Variants in DPYD observed in about 807,000 individuals in gnomAD.
DPYD encodes the protein dihydropyrimidine dehydrogenase.
DPYD carries 109 observed loss-of-function variants against 116.2 expected under a neutral mutation model. That is an observed-to-expected ratio of 0.94 (90% CI 0.80 to 1.10). The LOEUF (loss-of-function observed/expected upper bound fraction) is 1.10. Ranked by LOEUF, DPYD falls within the 50% of genes least tolerant of loss-of-function variation. The pLI, the probability that DPYD is intolerant of heterozygous loss-of-function variation, is 0.00. For missense variants in DPYD, 1,302 were observed against 1,254.5 expected, an observed-to-expected ratio of 1.04 and a Z score of -0.57; for synonymous variants, 440 against 432.0, an observed-to-expected ratio of 1.02 and a Z score of -0.23.
chr1:97,522,780 A>G (rs1427532533), intron 12 of DPYD, among the ~76,000 whole-genome samples: 1 of 151,950 alleles, frequency 6.6e-6, no homozygotes, highest in East Asian at 1.9e-4. Flanking sequence ...TTTCCTCTGT[A>G]GAGATATAAA....
At chr1:97,746,556 T>G (rs1664566502) in intron 3 of DPYD, among the ~76,000 whole-genome samples, 1 of 152,158 alleles carries the variant, frequency 6.6e-6, no homozygotes, top group African/African-American at 2.4e-5. Context: ...AACGTATTTG[T>G]TTCGCTTTCT....
intron 3 of DPYD, among the ~76,000 whole-genome samples, chr1:97,776,350 A>C (rs1256894986): frequency 1.3e-5 from 2 of 152,134 alleles, no homozygotes; most frequent in East Asian, 3.9e-4. Flanking sequence ...ACTGTGCTGA[A>C]GTCCTAAAAT....
In DPYD at chr1:97,515,810, A is replaced by T. The variant is rs1200993881; in HGVS notation, c.1656T>A (p.Thr552=). The T allele has an allele frequency of 6.2e-7, 1 of 1,612,982 alleles. No individual in the cohort carries two copies. The highest frequency in any genetic ancestry group is 8.5e-7 in the Non-Finnish European group (1 of 1,179,290). The change falls in exon 13 of 23, where the codon ACT becomes ACA. Residue 552 remains threonine, a synonymous_variant. Coordinates refer to ENST00000370192, the MANE Select transcript of DPYD (RefSeq NM_000110.4). ...FINPFGLASA[T]PATSTSMIRR... is the part of the protein sequence containing the mutation. ...GAATCATTGATGTGCTGGTGGCTGG[A>T]GTTGCGCTAGCAAGACCAAAAGGAT...
intron 20 of DPYD, among the ~76,000 whole-genome samples, chr1:97,101,440 T>G (rs1650675751): frequency 7.2e-6 from 1 of 138,738 alleles, no homozygotes; most frequent in South Asian, 2.2e-4. Flanking sequence ...ACATACTACA[T>G]TTAGGCATAC....
intron 13 of DPYD, among the ~76,000 whole-genome samples, chr1:97,507,598 T>C (rs1434290814): frequency 6.6e-6 from 1 of 152,042 alleles, no homozygotes; most frequent in Non-Finnish European, 1.5e-5. Context: ...TGATGTTTTG[T>C]ATTGTAATCC....
intron 10 of DPYD, among the ~76,000 whole-genome samples, chr1:97,580,910 C>T (rs968080710): frequency 6.6e-6 from 1 of 152,100 alleles, no homozygotes; most frequent in African/African-American, 2.4e-5. Context: ...TTCCTACCTC[C>T]GCATTCTGTA....
chr1:97,843,018 T>C (rs1198993821), intron 2 of DPYD, among the ~76,000 whole-genome samples: 6 of 152,114 alleles, frequency 3.9e-5, no homozygotes, highest in African/African-American at 1.2e-4. Flanking sequence ...CTTTCTCTTA[T>C]AAGAACCCTT....
chr1:97,234,458 A>G (rs1350921566), intron 19 of DPYD, among the ~76,000 whole-genome samples: 1 of 152,140 alleles, frequency 6.6e-6, no homozygotes, highest in Non-Finnish European at 1.5e-5. Context: ...CAGGAATCTC[A>G]GGATCAAATT....
chr1:97,752,989 T>G (rs2101105127), intron 3 of DPYD, among the ~76,000 whole-genome samples: 1 of 152,332 alleles, frequency 6.6e-6, no homozygotes, highest in South Asian at 2.1e-4. Context: ...AAATTATTTT[T>G]TAATAAATGT....
chr1:97,387,265 T>C (rs1171132663), intron 14 of DPYD, among the ~76,000 whole-genome samples: 1 of 152,084 alleles, frequency 6.6e-6, no homozygotes, highest in African/African-American at 2.4e-5. Context: ...AATTGATTAA[T>C]AAGCAAATTG....
At chr1:97,861,169 A>G (rs1312615163) in intron 2 of DPYD, among the ~76,000 whole-genome samples, 2 of 152,070 alleles carry the variant, frequency 1.3e-5, no homozygotes, top group Non-Finnish European at 2.9e-5. Context: ...AATGATAACT[A>G]TTTTGTACTA....
chr1:97,738,916 T>C (rs1262782085), intron 4 of DPYD, among the ~76,000 whole-genome samples: 2 of 152,132 alleles, frequency 1.3e-5, no homozygotes, highest in Non-Finnish European at 2.9e-5. Context: ...TTGTCTTTTT[T>C]TCTATACATT....
intron 17 of DPYD, 25 bp downstream of exon 17, chr1:97,306,152 C>A (rs1170469693): frequency 1.2e-6 from 2 of 1,611,758 alleles, no homozygotes; most frequent in Non-Finnish European, 1.7e-6. Flanking sequence ...CAATAGCGGG[C>A]AACTGATTCA....
At chr1:97,273,559 A>C (rs1244232027) in intron 18 of DPYD, among the ~76,000 whole-genome samples, 1 of 152,122 alleles carries the variant, frequency 6.6e-6, no homozygotes, top group Non-Finnish European at 1.5e-5. Flanking sequence ...GTGTGGAGAG[A>C]GGACTAAGGA....
At chr1:97,829,257 C>G (rs1227768688) in intron 2 of DPYD, among the ~76,000 whole-genome samples, 1 of 151,572 alleles carries the variant, frequency 6.6e-6, no homozygotes, top group South Asian at 2.1e-4. Context: ...TAATAATGTC[C>G]AATGTATAAG....
At chr1:97,787,133 C>G (rs564823478) in intron 3 of DPYD, among the ~76,000 whole-genome samples, 1 of 152,264 alleles carries the variant, frequency 6.6e-6, no homozygotes, top group African/African-American at 2.4e-5. Flanking sequence ...CTACAATTTT[C>G]AAGTTATATA....
chr1:97,335,568 A>G (rs1473698882), intron 16 of DPYD, among the ~76,000 whole-genome samples: 1 of 152,136 alleles, frequency 6.6e-6, no homozygotes, highest in African/African-American at 2.4e-5. Flanking sequence ...ATTTTTCCTT[A>G]AAACAACTGA....
chr1:97,555,513 C>G (rs147162690), intron 11 of DPYD, among the ~76,000 whole-genome samples: 3 of 152,172 alleles, frequency 2.0e-5, no homozygotes, highest in Non-Finnish European at 4.4e-5. Flanking sequence ...TATTGGTGAC[C>G]TTACTCTTTC....
chr1:97,768,807 C>T (rs1057048825), intron 3 of DPYD, among the ~76,000 whole-genome samples: 1 of 151,516 alleles, frequency 6.6e-6, no homozygotes, highest in African/African-American at 2.4e-5. Flanking sequence ...AATGAAAAGG[C>T]TAAATGAGAG....
Sources: allele counts gnomAD v4.1 joint callset (sites outside exome capture counted in the v4.1 genomes callset), GRCh38; gene constraint gnomAD v4.1.1; transcripts MANE v1.5; gene names NCBI Gene and HGNC (gene_info 2026-07-23, HGNC 2026-07-21).